CDHR2: variants seen among roughly 807,000 people sequenced by gnomAD.
The protein encoded by CDHR2 is cadherin-related family member 2.
In CDHR2, 104 loss-of-function variants were observed where a neutral mutation model predicts 138.6. That is an observed-to-expected ratio of 0.75 (90% CI 0.64 to 0.88). The LOEUF (loss-of-function observed/expected upper bound fraction) is 0.88, where lower values mean the gene tolerates loss of function less well. Among genes scored for constraint, CDHR2 ranks in the 40% least tolerant of loss-of-function variants. CDHR2 has a pLI of 0.00. For synonymous variants in CDHR2, 755 were observed against 742.8 expected (o/e 1.02, Z -0.27); for missense variants, 1,624 against 1,727.6 (o/e 0.94, Z 1.06).
At chr5:176,549,975 G>A (rs1435861046) in intron 1 of CDHR2, among the ~76,000 whole-genome samples, 2 of 152,248 alleles carry the variant, frequency 1.3e-5, no homozygotes, top group Admixed American at 1.3e-4. Context: ...GTGCTAGGAA[G>A]TGTCAGGCAG....
rs1483387104 is a variant in CDHR2, at chr5:176,575,419, C to T, written c.761C>T (p.Ala254Val). 8 of 1,614,240 alleles carry T rather than the reference C, an allele frequency of 5.0e-6. No homozygotes were observed. Among genetic ancestry groups the T allele is most frequent in the Non-Finnish European group, 6.8e-6 (8 of 1,180,036 alleles). Residue 254 changes from alanine (A) to valine (V), a missense_variant, in exon 9 of 32, where the codon GCA becomes GTA. Ala to Val is a moderately conservative substitution (Grantham distance 64). Coordinates refer to ENST00000261944, the MANE Select transcript of CDHR2 (RefSeq NM_017675.6). ...TACTCGGCCTCTGTGGCTGAGGATG[C>T]AGCCAAGGTGCACGGGGGACCTGTG... ...EFYSASVAED[A>V]AKGTSVLTVE...
chr5:176,573,920 C>G (rs560289340), intron 6 of CDHR2, among the ~76,000 whole-genome samples, 163 bp from the exon 7 acceptor site: 1 of 152,070 alleles, frequency 6.6e-6, no homozygotes, highest in Non-Finnish European at 1.5e-5. Context: ...TCTGCCGCCC[C>G]GCACCCCCAG....
intron 6 of CDHR2, among the ~76,000 whole-genome samples, chr5:176,573,187 TGAG>T (rs1262917441): frequency 6.9e-6 from 1 of 144,014 alleles, no homozygotes; most frequent in Non-Finnish European, 1.5e-5. Flanking sequence ...AGGGGGAGGG[TGAG>T]GAGGAGGTCA....
intron 16 of CDHR2, among the ~76,000 whole-genome samples, chr5:176,580,009 T>G (rs1758488509): frequency 6.6e-6 from 1 of 152,264 alleles, no homozygotes. Flanking sequence ...GAACGGAACC[T>G]GCAAAGGCCT....
intron 16 of CDHR2, among the ~76,000 whole-genome samples, chr5:176,579,565 C>T (rs1339305964): frequency 6.6e-6 from 1 of 152,106 alleles, no homozygotes; most frequent in Non-Finnish European, 1.5e-5. Context: ...GCATGAGCCC[C>T]AGGGAGCACT....
At chr5:176,587,462 TA>T (rs1219142541) in intron 21 of CDHR2, among the ~76,000 whole-genome samples, 19 of 151,526 alleles carry the variant, frequency 1.3e-4, no homozygotes, top group African/African-American at 4.6e-4. Flanking sequence ...AAAAAATAAA[TA>T]AATAAATAAA....
At chr5:176,581,892 C>T (rs1224760012) in intron 17 of CDHR2, among the ~76,000 whole-genome samples, 2 of 152,246 alleles carry the variant, frequency 1.3e-5, no homozygotes, top group Non-Finnish European at 1.5e-5. Context: ...CTGAAACCCT[C>T]CTGTCTCCCT....
At chr5:176,589,776 G>C (rs566956894) in intron 24 of CDHR2, among the ~76,000 whole-genome samples, 160 bp downstream of exon 24, 18 of 152,174 alleles carry the variant, frequency 1.2e-4, no homozygotes, top group Non-Finnish European at 2.5e-4. Context: ...CGACGTTCTT[G>C]CATGTCCCCA....
chr5:176,542,739 G>C (rs955313386), exon 1 of CDHR2: 17 of 152,328 alleles, frequency 1.1e-4, no homozygotes, highest in African/African-American at 3.9e-4. Flanking sequence ...ACTCTCTCCG[G>C]ACCCCGCAGC....
chr5:176,550,230 G>A (rs1218896194), intron 1 of CDHR2, among the ~76,000 whole-genome samples: 2 of 152,242 alleles, frequency 1.3e-5, no homozygotes, highest in Non-Finnish European at 2.9e-5. Flanking sequence ...TTCTCAGCAG[G>A]GGAAACTGAG....
intron 1 of CDHR2, among the ~76,000 whole-genome samples, chr5:176,562,606 C>A (rs1043199699): frequency 2.0e-5 from 3 of 152,066 alleles, no homozygotes; most frequent in Non-Finnish European, 2.9e-5. Context: ...GTGCCCAGGA[C>A]CAGGTGAGGG....
chr5:176,567,668 T>C (rs1315252681), intron 3 of CDHR2, among the ~76,000 whole-genome samples: 1 of 152,098 alleles, frequency 6.6e-6, no homozygotes, highest in African/African-American at 2.4e-5. Flanking sequence ...ATTTTTTGTA[T>C]TTTTAGTAGA....
rs760298460 is a variant in CDHR2 at position 176,575,655 on chromosome 5, A to T, written c.845-69A>T. On this transcript the variant is annotated intron_variant, in intron 10 of 31. Transcript: ENST00000261944. The stretch of plus-strand genomic sequence containing the variant: ...GGTCTCCGTCAGAGTCCCTGGAGGC[A>T]ATGGGCCTGGGGCTCCGTCAGAGCC... 2.0e-4 allele frequency: 326 copies of T among 1,599,398 alleles called. 1 individual carries two copies. Among genetic ancestry groups the T allele is most frequent in the Non-Finnish European group, 2.7e-4 (314 of 1,167,776 alleles).
chr5:176,556,979 C>A (rs917827145), intron 1 of CDHR2, among the ~76,000 whole-genome samples: 1 of 135,372 alleles, frequency 7.4e-6, no homozygotes, highest in Non-Finnish European at 1.6e-5. Flanking sequence ...TCCTCCCTTC[C>A]TCTCTTCCTT....
At position 176,586,811 on chromosome 5, in the gene CDHR2, T is replaced by C; in HGVS notation, c.2825T>C (p.Val942Ala). The change falls in exon 21 of 32, where the codon GTG (valine) becomes GCG (alanine). Residue 942 changes from valine (V) to alanine (A), a missense_variant. By Grantham distance (64) the Val-to-Ala change is moderately conservative. This residue lies in a region of CDHR2 where 556 missense variants were observed against 565.7 expected (regional missense o/e 0.98). Coordinates refer to ENST00000261944, the MANE Select transcript of CDHR2 (RefSeq NM_017675.6). ...CCTGCAGTGATCATCCCTGAACTCG[T>C]GCTGCCCAACCGGGAGGTGGCTTCT... The part of the protein sequence containing the change: ...NKTFVIIPEL[V>A]LPNREVASVR... 1.2e-6 allele frequency: 2 copies of C among 1,609,828 alleles called. No homozygotes were observed. Among genetic ancestry groups the C allele is most frequent in the Non-Finnish European group, 1.7e-6 (2 of 1,178,118 alleles).
intron 30 of CDHR2, among the ~76,000 whole-genome samples, chr5:176,592,154 CAAT>C (rs1286846236): frequency 2.2e-5 from 2 of 92,844 alleles, no homozygotes; most frequent in African/African-American, 4.3e-5. Context: ...GTGATGATGA[CAAT>C]GATGATGGTG....
At chr5:176,592,393 A>G (rs1429892207) in intron 30 of CDHR2, among the ~76,000 whole-genome samples, 25 of 115,508 alleles carry the variant, frequency 2.2e-4, no homozygotes, top group Middle Eastern at 6.2e-3. Context: ...TATGATGATG[A>G]TGGTGGTGGT....
intron 6 of CDHR2, among the ~76,000 whole-genome samples, chr5:176,573,121 G>A (rs1758274327): frequency 1.3e-5 from 2 of 152,160 alleles, no homozygotes; most frequent in South Asian, 4.1e-4. Context: ...CTCCAGGCAG[G>A]GGGAACAACA....
chr5:176,548,420 A>C (rs1217592398), upstream of CDHR2, among the ~76,000 whole-genome samples: 1 of 152,196 alleles, frequency 6.6e-6, no homozygotes, highest in African/African-American at 2.4e-5. Flanking sequence ...CCCCTTCGGG[A>C]GGCCACCACA....
Sources: gnomAD v4.1 joint callset for allele counts (sites outside exome capture counted in the v4.1 genomes callset) on GRCh38, gnomAD v4.1.1 for gene constraint, gnomAD v4.1.1 regional missense constraint, MANE v1.5 for transcripts, NCBI Gene and HGNC (gene_info 2026-07-23, HGNC 2026-07-21) for gene names.